The following TWIST1 variants were observed in gnomAD, a reference collection of about 807,000 sequenced individuals.
The protein encoded by TWIST1 is twist family bHLH transcription factor 1.
TWIST1 carries 8 observed loss-of-function variants against 12.9 expected under a neutral mutation model. The observed-to-expected ratio is 0.62, with a 90% confidence interval of 0.37 to 1.12. The LOEUF is 1.12. Ranked by LOEUF, TWIST1 falls within the 50% of genes most tolerant of loss-of-function variation. The pLI, the probability that TWIST1 is intolerant of heterozygous loss-of-function variation, is 0.02. For synonymous variants in TWIST1, 169 were observed against 138.7 expected (o/e 1.22, Z -1.54); for missense variants, 268 against 299.7 (o/e 0.89, Z 0.78).
chr7:19,113,906 T>C (rs1788517282), downstream of TWIST1: 1 of 152,222 alleles, frequency 6.6e-6, no homozygotes, highest in African/African-American at 2.4e-5. Context: ...AGCTCCATCC[T>C]GGTGTACCTT....
downstream of TWIST1, chr7:19,113,948 A>C (rs922261058): frequency 6.6e-6 from 1 of 152,152 alleles, no homozygotes; most frequent in African/African-American, 2.4e-5. Context: ...AGTCAGACCA[A>C]GCTAGTGAAC....
In TWIST1 at chr7:19,117,457, CG is replaced by C. The variant is rs1788601871; in HGVS notation, c.-137del. The C allele has an allele frequency of 1.7e-6, 2 of 1,153,450 alleles. No homozygotes were observed. Among genetic ancestry groups the C allele is most frequent in the South Asian group, 3.3e-5 (1 of 30,324 alleles). 71.5% of individuals were successfully genotyped at this position (1,153,450 alleles called of 1,614,324 possible). A position where few individuals can be genotyped will look rare whatever the true frequency, so the allele number is the denominator to read the frequency against. ...GCGGAGGAGAGAGCAGGAGGACGGA[CG>C]GGAGGGACCTCCGCGGGGAGGGCGC... On this transcript the variant is annotated 5_prime_UTR_variant, in exon 1 of 2. Coordinates refer to ENST00000242261, the MANE Select transcript of TWIST1 (RefSeq NM_000474.4).
chr7:19,115,030 T>C (rs981586276), downstream of TWIST1, among the ~76,000 whole-genome samples: 12 of 152,330 alleles, frequency 7.9e-5, no homozygotes, highest in East Asian at 2.3e-3. Context: ...GTATAGATAA[T>C]TTTCATAACA....
At chr7:19,116,566 G>T (rs1788570528) in intron 1 of TWIST1, 105 bp downstream of exon 1, 2 of 934,048 alleles carry the variant, frequency 2.1e-6, no homozygotes, top group African/African-American at 1.6e-5. Flanking sequence ...AGGCTGAGCG[G>T]AGAGTGGGAG....
chr7:19,116,263 G>A, intron 1 of TWIST1, 132 bp from the exon 2 acceptor site: 1 of 169,078 alleles, frequency 5.9e-6, no homozygotes, highest in East Asian at 1.6e-4. Flanking sequence ...AAGGATTTCA[G>A]CCCAAGGGCA....
rs1433113440 is a variant in TWIST1 at position 19,115,872 on chromosome 7, A to C, written c.*302T>G. ...AAACATTCTTCGTCAAAAAAAAAAA[A>C]AAAAAAAACACAAACAACTGTTCAG... On this transcript the variant is annotated 3_prime_UTR_variant, in exon 2 of 2. Coordinates refer to ENST00000242261, the MANE Select transcript of TWIST1 (RefSeq NM_000474.4). 4.6e-5 allele frequency: 7 copies of C among 152,198 alleles called. No individual in the cohort carries two copies. Among genetic ancestry groups the C allele is most frequent in the South Asian group, 2.1e-4 (1 of 4,818 alleles). The allele number at this position is 152,198 out of a possible 1,614,324, so 9.4% of individuals were successfully genotyped here.
rs1158504251 is a variant in TWIST1 at position 19,115,909 on chromosome 7, A to G, written c.*265T>C. 1.3e-5 allele frequency: 2 copies of G among 152,026 alleles called. No homozygotes were observed. Among genetic ancestry groups the G allele is most frequent in the African/African-American group, 4.8e-5 (2 of 41,280 alleles). 9.4% of individuals were successfully genotyped at this position (152,026 alleles called of 1,614,324 possible). A position where few individuals can be genotyped will look rare whatever the true frequency, so the allele number is the denominator to read the frequency against. ...AAACAACTGTTCAGACTTCTATCAG[A>G]ATGCAGAGGTGTGAGGATGGTGCCG... On this transcript the variant is annotated 3_prime_UTR_variant, in exon 2 of 2. Coordinates refer to ENST00000242261, the MANE Select transcript of TWIST1 (RefSeq NM_000474.4).
rs1168258904 is a variant in TWIST1 at position 19,115,832 on chromosome 7, A to G, written c.*342T>C. ...CGACCTCTTGAGAATGCATGCATGA[A>G]AAAAATAAAAATAAAAACATTCTTC... is the stretch of plus-strand genomic sequence containing the variant. On this transcript the variant is annotated 3_prime_UTR_variant, in exon 2 of 2. Coordinates refer to ENST00000242261, the MANE Select transcript of TWIST1 (RefSeq NM_000474.4). 6.7e-6 allele frequency: 1 copy of G among 149,172 alleles called. No individual in the cohort carries two copies. Among genetic ancestry groups the G allele is most frequent in the Non-Finnish European group, 1.5e-5 (1 of 67,772 alleles). The allele number at this position is 149,172 out of a possible 1,614,324, so 9.2% of individuals were successfully genotyped here.
rs891874623 is a variant in TWIST1, at chr7:19,115,734, T to G, written c.*440A>C. ...TTTATTTCTAAAGGTGTTCTTATAG[T>G]TCCTCTGATTGTTACCATTTTAAAA... On this transcript the variant is annotated 3_prime_UTR_variant, in exon 2 of 2. Transcript: ENST00000242261. 8.5e-5 allele frequency: 13 copies of G among 152,180 alleles called. No individual in the cohort carries two copies. Among genetic ancestry groups the G allele is most frequent in the African/African-American group, 2.7e-4 (11 of 41,370 alleles). 9.4% of individuals were successfully genotyped at this position (152,180 alleles called of 1,614,324 possible). A position where few individuals can be genotyped will look rare whatever the true frequency, so the allele number is the denominator to read the frequency against.
At chr7:19,116,514 G>T (rs1788568879) in intron 1 of TWIST1, among the ~76,000 whole-genome samples, 157 bp downstream of exon 1, 1 of 152,172 alleles carries the variant, frequency 6.6e-6, no homozygotes, top group African/African-American at 2.4e-5. Context: ...GGCCTTCCGG[G>T]GACGCTGGGG....
downstream of TWIST1, chr7:19,113,418 T>C (rs1004859652): frequency 1.3e-5 from 2 of 152,204 alleles, no homozygotes; most frequent in African/African-American, 4.8e-5. Context: ...ATGTGTTCTT[T>C]AAATAAGGGT....
rs957243800 is a variant in TWIST1 at position 19,117,156 on chromosome 7, C to T, written c.166G>A (p.Ala56Thr). ...TCGCCGCCTCCGACGCCCCCACCCG[C>T]GGCTCCGCCGGGCCCCGCGCCGCCG... ...AGGGAGPGGA[A>T]GGGVGGGDEP... Residue 56 changes from alanine to threonine, a missense_variant, in exon 1 of 2, where the codon GCG (alanine) becomes ACG (threonine). Physicochemically the swap from Ala to Thr is moderately conservative, Grantham distance 58. Transcript: ENST00000242261. 16 of 1,082,188 alleles carry T rather than the reference C, an allele frequency of 1.5e-5. No homozygotes were observed. The African/African-American group carries it at 2.5e-4, about 17-fold the overall frequency. The allele number at this position is 1,082,188 out of a possible 1,614,324, so 67.0% of individuals were successfully genotyped here.
downstream of TWIST1, chr7:19,115,320 G>C (rs1788542497): frequency 6.6e-6 from 1 of 152,438 alleles, no homozygotes; most frequent in Non-Finnish European, 1.5e-5. Context: ...TAACATGCTT[G>C]TGCCTGTCAG....
At chr7:19,115,385 C>T (rs1336894612), downstream of TWIST1, 2 of 152,560 alleles carry the variant, frequency 1.3e-5, no homozygotes, top group Admixed American at 6.5e-5. Context: ...CCCCCTCCCT[C>T]CTGGGTGCCT....
At chr7:19,116,549 G>A in intron 1 of TWIST1, 122 bp downstream of exon 1, 3 of 843,398 alleles carry the variant, frequency 3.6e-6, no homozygotes, top group Admixed American at 2.6e-5. Flanking sequence ...TGCCAAGTGA[G>A]GTGGGAAGGC....
rs104894057 is a variant in TWIST1, at chr7:19,116,966, T to C, written c.356A>G (p.Gln119Arg). The C allele has an allele frequency of 6.2e-7, 1 of 1,613,172 alleles. No individual in the cohort carries two copies. The highest frequency in any genetic ancestry group is 1.7e-5 in the Admixed American group (1 of 59,994). ...CGCCTCGTTCAGCGACTGGGTGCGC[T>C]GGCGCTCCCGCACGTTGGCCATGAC... The part of the protein sequence containing the change: ...QRVMANVRER[Q>R]RTQSLNEAFA... Residue 119 changes from glutamine (Q) to arginine (R), a missense_variant, in exon 1 of 2, where the codon CAG becomes CGG. Physicochemically the swap from Gln to Arg is conservative, Grantham distance 43 (BLOSUM62 1). Transcript: ENST00000242261.
chr7:19,117,239 T>G lies in TWIST1; in HGVS notation c.83A>C (p.Gln28Pro). 1 of 1,426,446 alleles carries G rather than the reference T, an allele frequency of 7.0e-7. No individual in the cohort carries two copies. Among genetic ancestry groups the G allele is most frequent in the Non-Finnish European group, 9.2e-7 (1 of 1,088,040 alleles). The allele number at this position is 1,426,446 out of a possible 1,614,324, so 88.4% of individuals were successfully genotyped here. A position where few individuals can be genotyped will look rare whatever the true frequency, so the allele number is the denominator to read the frequency against. Reference protein sequence around the residue: ...SNSEEEPDRQQPPSGKRGGRK... With the variant: ...SNSEEEPDRQPPPSGKRGGRK... ...TCCCCCGCGCTTGCCGCTCGGCGGCTGCTGCCGGTCTGGCTCTTCCTCGCT... is the reference window on the plus strand; with the variant it reads ...TCCCCCGCGCTTGCCGCTCGGCGGCGGCTGCCGGTCTGGCTCTTCCTCGCT... Residue 28 changes from glutamine to proline, a missense_variant, in exon 1 of 2, where the codon CAG becomes CCG. By Grantham distance (76) the Gln-to-Pro change is moderately conservative (BLOSUM62 -1). Transcript: ENST00000242261.
Position 19,116,809 on chromosome 7 carries a change from C to T in TWIST1, c.513G>A (p.Lys171=), listed in dbSNP as rs1256081573. The change falls in exon 1 of 2, where the codon AAG becomes AAA. Residue 171 remains lysine (K), a synonymous_variant. Coordinates refer to ENST00000242261, the MANE Select transcript of TWIST1 (RefSeq NM_000474.4). Reference sequence around the variant, plus strand: ...GAGCCACATAGCTGCAGCTTGCCATCTTGGAGTCCAGCTCGTCGCTCTGGA... The same window carrying T: ...GAGCCACATAGCTGCAGCTTGCCATTTTGGAGTCCAGCTCGTCGCTCTGGA... The part of the protein sequence containing the change: ...QVLQSDELDS[K]MASCSYVAHE... 1.9e-6 allele frequency: 3 copies of T among 1,614,044 alleles called. No homozygotes were observed. The African/African-American group carries it at 4.0e-5, about 22-fold the overall frequency.
At position 19,117,354 on chromosome 7, in the gene TWIST1, C is replaced by T; in HGVS notation, c.-33G>A. The T allele has an allele frequency of 1.4e-6, 2 of 1,427,440 alleles. No homozygotes were observed. Among genetic ancestry groups the T allele is most frequent in the African/African-American group, 3.0e-5 (2 of 67,052 alleles). The allele number at this position is 1,427,440 out of a possible 1,614,324, so 88.4% of individuals were successfully genotyped here. On this transcript the variant is annotated 5_prime_UTR_variant, in exon 1 of 2. Coordinates refer to ENST00000242261, the MANE Select transcript of TWIST1 (RefSeq NM_000474.4). ...GCGGCGACGCGTGGCCTCGCGGGCC[C>T]GGGGCAGAGGAGAAGAGCGGGGCGC...
Sources: gnomAD v4.1 joint callset for allele counts (sites outside exome capture counted in the v4.1 genomes callset) on GRCh38, gnomAD v4.1.1 for gene constraint, MANE v1.5 for transcripts, NCBI Gene and HGNC (gene_info 2026-07-23, HGNC 2026-07-21) for gene names.